Variants in RRAGB observed in about 807,000 individuals in gnomAD.
RRAGB encodes the protein Ras related GTP binding B.
RRAGB carries 6 observed loss-of-function variants against 29.3 expected under a neutral mutation model. That is an observed-to-expected ratio of 0.21 (90% CI 0.11 to 0.40). The LOEUF (loss-of-function observed/expected upper bound fraction) is 0.40, where lower values mean the gene tolerates loss of function less well. Among genes scored for constraint, RRAGB ranks in the 10% least tolerant of loss-of-function variants. The pLI, the probability that RRAGB is intolerant of heterozygous loss-of-function variation, is 1.00. For missense variants in RRAGB, 184 were observed against 272.9 expected (o/e 0.67, Z 2.29); for synonymous variants, 101 against 92.5 (o/e 1.09, Z -0.53).
At chrX:55,745,073 G>T (rs995675938) in intron 5 of RRAGB, among the ~76,000 whole-genome samples, 3 of 111,986 alleles carry the variant, frequency 2.7e-5, no homozygotes, top group African/African-American at 9.8e-5. Context: ...CTTCACTGAG[G>T]TAGAAGACCC....
chrX:55,747,889 C>T (rs374134597), intron 5 of RRAGB, among the ~76,000 whole-genome samples: 1 of 108,700 alleles, frequency 9.2e-6, no homozygotes, highest in African/African-American at 3.3e-5. Context: ...CCCTCTCCCT[C>T]TCTTTCCACG....
chrX:55,730,259 C>T (rs930220411), intron 4 of RRAGB, among the ~76,000 whole-genome samples: 3 of 112,199 alleles, frequency 2.7e-5, no homozygotes, highest in African/African-American at 6.5e-5. Context: ...AAGAAAATGA[C>T]TCCATTCCTG....
intron 5 of RRAGB, among the ~76,000 whole-genome samples, chrX:55,747,530 T>G (rs1050036970): frequency 2.7e-5 from 3 of 112,106 alleles, no homozygotes; most frequent in Non-Finnish European, 3.8e-5. Flanking sequence ...TTTCTCTACT[T>G]TGTTCAGCAC....
chrX:55,722,992 A>G (rs976534208), intron 3 of RRAGB, among the ~76,000 whole-genome samples: 3 of 110,838 alleles, frequency 2.7e-5, no homozygotes, highest in Non-Finnish European at 5.7e-5. Context: ...TACTCTACAC[A>G]TTTCCTGAAG....
chrX:55,731,303 G>T (rs182976345), intron 4 of RRAGB, 61 bp from the exon 5 acceptor site: 1 of 846,329 alleles, frequency 1.2e-6, no homozygotes, highest in Non-Finnish European at 1.7e-6. Flanking sequence ...ACAAAAATAG[G>T]CTATAAGTAG....
At chrX:55,753,914 G>T (rs1045495300) in intron 7 of RRAGB, among the ~76,000 whole-genome samples, 2 of 111,712 alleles carry the variant, frequency 1.8e-5, no homozygotes, top group Non-Finnish European at 3.8e-5. Context: ...GTGTGGTGAC[G>T]CATGCCTATA....
rs897059413 is a variant in RRAGB at position 55,727,235 on chromosome X, C to T, written c.227-2059C>T. On this transcript the variant is annotated intron_variant, in intron 3 of 9. Transcript: ENST00000374941. ...CCCATGTGCCCCATGTCTAAACAGT[C>T]ACTGACTCCTGTCACTTCTTTTGTT... 22 of 1,058,298 alleles carry T rather than the reference C, an allele frequency of 2.1e-5. No individual in the cohort carries two copies. The African/African-American group carries it at 3.4e-4, about 17-fold the overall frequency. 87.2% of individuals were successfully genotyped at this position (1,058,298 alleles called of 1,213,427 possible).
rs78314491 is a variant in RRAGB at position 55,747,851 on chromosome X, G to A, written c.517-3250G>A. 5.1e-3 allele frequency among the ~76,000 whole-genome samples: 237 copies of A among 46,360 alleles called. 2 individuals are homozygous for A. Among genetic ancestry groups the A allele is most frequent in the Middle Eastern group, 0.017 (2 of 120 alleles). The allele number at this position is 46,360 out of a possible 115,157, so 40.3% of individuals were successfully genotyped here. On this transcript the variant is annotated intron_variant, in intron 5 of 9. Coordinates refer to ENST00000374941, the MANE Select transcript of RRAGB (RefSeq NM_006064.5). ...TCCCTCTCCCTCTCCCTCTCCCCACGGTCTCCCTCTCCCTCTTTCCACGGT... is the reference window on the plus strand; with the variant it reads ...TCCCTCTCCCTCTCCCTCTCCCCACAGTCTCCCTCTCCCTCTTTCCACGGT...
In RRAGB at chrX:55,718,341, ACT is replaced by A. The variant is rs2033129323; in HGVS notation, c.17_18del (p.Ser6Ter). The A allele has an allele frequency of 8.3e-7, 1 of 1,202,829 alleles. No individual in the cohort carries two copies. Among genetic ancestry groups the A allele is most frequent in the Non-Finnish European group, 1.1e-6 (1 of 890,760 alleles). ...ACTTGTTGCGCAATGGAAGAATCTG[ACT>A]CTGAGAAAACGACGGAGAAAGAAAA... On this transcript the variant is annotated frameshift_variant, in exon 1 of 10. Coordinates refer to ENST00000374941, the MANE Select transcript of RRAGB (RefSeq NM_006064.5). LOFTEE classifies it high-confidence loss of function.
intron 3 of RRAGB, among the ~76,000 whole-genome samples, chrX:55,724,067 G>A (rs2033391005): frequency 8.9e-6 from 1 of 112,220 alleles, no homozygotes; most frequent in African/African-American, 3.2e-5. Context: ...ATTGCTGTTA[G>A]CACAGTCTAA....
intron 5 of RRAGB, among the ~76,000 whole-genome samples, chrX:55,742,744 G>A (rs981701420): frequency 8.9e-6 from 1 of 111,757 alleles, no homozygotes; most frequent in Non-Finnish European, 1.9e-5. Flanking sequence ...GTGGGTCACT[G>A]GAGTGAGTGG....
At chrX:55,752,826 A>G (rs1296044982) in intron 6 of RRAGB, among the ~76,000 whole-genome samples, 1 of 112,307 alleles carries the variant, frequency 8.9e-6, no homozygotes, top group African/African-American at 3.2e-5. Context: ...TTTGAATTCA[A>G]TTGGATCAAT....
chrX:55,729,213 A>G, intron 3 of RRAGB, 81 bp from the exon 4 acceptor site: 1 of 694,898 alleles, frequency 1.4e-6, no homozygotes, highest in Admixed American at 2.4e-5. Context: ...GTCCTTCTAA[A>G]TTTCATGGGT....
At position 55,748,889 on chromosome X, in the gene RRAGB, C is replaced by G. The variant is rs764372505; in HGVS notation, c.517-2212C>G. On this transcript the variant is annotated intron_variant, in intron 5 of 9. Transcript: ENST00000374941. ...GTGAGGAGCCCCTCTGCCCGGCCAG[C>G]CGCCCCATCCGGGAGGGAGGTGGGG... Among the ~76,000 whole-genome samples, 322 of 104,271 alleles carry G rather than the reference C, an allele frequency of 3.1e-3. 1 individual carries two copies. Among genetic ancestry groups the G allele is most frequent in the Non-Finnish European group, 4.8e-3 (241 of 50,227 alleles). The allele number at this position is 104,271 out of a possible 115,157, so 90.5% of individuals were successfully genotyped here. A position where few individuals can be genotyped will look rare whatever the true frequency, so the allele number is the denominator to read the frequency against.
In RRAGB at chrX:55,718,479, G is replaced by T. The variant is rs1034053987; in HGVS notation, c.92+60G>T. 6.7e-6 allele frequency: 5 copies of T among 751,416 alleles called. No homozygotes were observed. The East Asian group carries it at 1.7e-4, about 26-fold the overall frequency. The allele number at this position is 751,416 out of a possible 1,213,427, so 61.9% of individuals were successfully genotyped here. A position where few individuals can be genotyped will look rare whatever the true frequency, so the allele number is the denominator to read the frequency against. The stretch of plus-strand genomic sequence containing the variant: ...GGGTGTTCAAATTGAAGAGAGTATT[G>T]TGAATTAGAACACTTCTCCCCACCC... On this transcript the variant is annotated intron_variant, in intron 1 of 9. Coordinates refer to ENST00000374941, the MANE Select transcript of RRAGB (RefSeq NM_006064.5).
chrX:55,722,072 T>G, intron 2 of RRAGB, 114 bp from the exon 3 acceptor site: 1 of 414,804 alleles, frequency 2.4e-6, no homozygotes, highest in Non-Finnish European at 4.3e-6. Context: ...ACCAGGTTGT[T>G]GGTACTGTCA....
rs1957937905 is a variant in RRAGB, at chrX:55,731,352, T to A, written c.294-12T>A. 3.4e-6 allele frequency: 4 copies of A among 1,164,488 alleles called. No homozygotes were observed. Among genetic ancestry groups the A allele is most frequent in the South Asian group, 3.7e-5 (2 of 53,646 alleles). Reference sequence around the variant, plus strand: ...GAGGATTTGCTTACTATATATATATTTTTTCTATCAGGCAAGACACCTTCA... The same window carrying A: ...GAGGATTTGCTTACTATATATATATATTTTCTATCAGGCAAGACACCTTCA... On this transcript the variant is annotated splice_polypyrimidine_tract_variant and intron_variant, in intron 4 of 9. Transcript: ENST00000374941.
At chrX:55,732,104 G>A (rs1012520817) in intron 5 of RRAGB, among the ~76,000 whole-genome samples, 1 of 112,488 alleles carries the variant, frequency 8.9e-6, no homozygotes, top group Non-Finnish European at 1.9e-5. Flanking sequence ...AGAAGGCACA[G>A]TAGCGGTGAT....
chrX:55,748,501 G>T (rs2034344858), intron 5 of RRAGB, among the ~76,000 whole-genome samples: 1 of 106,110 alleles, frequency 9.4e-6, no homozygotes, highest in African/African-American at 3.5e-5. Context: ...TGAGATGTGG[G>T]GAGCGCCTCT....
Sources: allele counts gnomAD v4.1 joint callset (sites outside exome capture counted in the v4.1 genomes callset), GRCh38; gene constraint gnomAD v4.1.1; transcripts MANE v1.5; gene names NCBI Gene and HGNC (gene_info 2026-07-23, HGNC 2026-07-21).